SGSM3: variants seen among roughly 807,000 people sequenced by gnomAD.
SGSM3 encodes small G protein signaling modulator 3.
A neutral mutation model predicts 100.5 loss-of-function variants in SGSM3; 96 were observed. The observed-to-expected ratio is 0.96, with a 90% CI of 0.81 to 1.13. The LOEUF is 1.13. Among genes scored for constraint, SGSM3 ranks in the 50% most tolerant of loss-of-function variants. The pLI, the probability that SGSM3 is intolerant of heterozygous loss-of-function variation, is 0.00. For missense variants in SGSM3, 1,001 were observed against 1,015.8 expected, an observed-to-expected ratio of 0.99 and a Z score of 0.20; for synonymous variants, 483 against 422.8, an observed-to-expected ratio of 1.14 and a Z score of -1.75.
chr22:40,398,159 G>A (rs2050288954), intron 1 of SGSM3, among the ~76,000 whole-genome samples: 1 of 151,834 alleles, frequency 6.6e-6, no homozygotes. Flanking sequence ...GTAGGACAGG[G>A]TTTCACCATG....
chr22:40,371,879 T>C (rs2146706148), intron 1 of SGSM3, among the ~76,000 whole-genome samples: 1 of 151,668 alleles, frequency 6.6e-6, no homozygotes, highest in South Asian at 2.1e-4. Context: ...GTATTTTTAA[T>C]AGAGACGGGG....
At chr22:40,377,801 G>A (rs974895169) in intron 1 of SGSM3, among the ~76,000 whole-genome samples, 7 of 150,622 alleles carry the variant, frequency 4.6e-5, no homozygotes, top group East Asian at 2.0e-4. Context: ...AGCTGTGATC[G>A]TGCCACTGTA....
chr22:40,377,611 G>A (rs543479292), intron 1 of SGSM3, among the ~76,000 whole-genome samples: 7 of 152,258 alleles, frequency 4.6e-5, no homozygotes, highest in Non-Finnish European at 7.4e-5. Flanking sequence ...CAAGGCAGGC[G>A]GATCCATTGG....
Position 40,407,135 on chromosome 22 carries a change from A to G in SGSM3, c.1240+64A>G. 6.2e-7 allele frequency: 1 copy of G among 1,611,764 alleles called. No homozygotes were observed. Among genetic ancestry groups the G allele is most frequent in the Non-Finnish European group, 8.5e-7 (1 of 1,178,876 alleles). ...GGAGTCTGTCCTCACGCTCATGTGG[A>G]CGTGGAGCTTCCTCCTCGGGGGCCT... On this transcript the variant is annotated intron_variant, in intron 11 of 21. Transcript: ENST00000248929. The surrounding 1 kb of genome is among the most constrained non-coding windows in gnomAD (Gnocchi z 4.7).
At chr22:40,374,912 A>C (rs1185819070) in intron 1 of SGSM3, among the ~76,000 whole-genome samples, 1 of 152,246 alleles carries the variant, frequency 6.6e-6, no homozygotes, top group Non-Finnish European at 1.5e-5. Flanking sequence ...CAGTACTATC[A>C]GTAGTAGCAT....
intron 1 of SGSM3, among the ~76,000 whole-genome samples, chr22:40,396,320 G>A (rs539743187): frequency 3.9e-5 from 6 of 152,036 alleles, no homozygotes; most frequent in African/African-American, 7.2e-5. Context: ...GGCCGGGTGC[G>A]GTGGCTCACA....
chr22:40,396,592 CAAAAAAAAAAA>C (rs778373023), intron 1 of SGSM3, among the ~76,000 whole-genome samples: 13 of 44,450 alleles, frequency 2.9e-4, no homozygotes, highest in Middle Eastern at 0.011. Context: ...GACTCTGTCT[CAAAAAAAAAAA>C]AAAAAAAAAA....
At chr22:40,403,758 GGCT>G (rs2051064440) in intron 4 of SGSM3, among the ~76,000 whole-genome samples, 1 of 152,174 alleles carries the variant, frequency 6.6e-6, no homozygotes, top group African/African-American at 2.4e-5. Context: ...GGGTCACTGT[GGCT>G]GCTGAGGGGA....
intron 1 of SGSM3, among the ~76,000 whole-genome samples, chr22:40,380,500 G>A (rs1023215853): frequency 1.3e-5 from 2 of 151,686 alleles, no homozygotes; most frequent in Admixed American, 6.6e-5. Context: ...CCGAGTAGTT[G>A]GGATTAGAGG....
At position 40,408,853 on chromosome 22, in the gene SGSM3, C is replaced by G. The variant is rs955938275; in HGVS notation, c.1902+11C>G. 4 of 1,613,918 alleles carry G rather than the reference C, an allele frequency of 2.5e-6. No homozygotes were observed. The highest frequency in any genetic ancestry group is 1.7e-6 in the Non-Finnish European group (2 of 1,180,018). On this transcript the variant is annotated intron_variant, in intron 18 of 21. Coordinates refer to ENST00000248929, the MANE Select transcript of SGSM3 (RefSeq NM_015705.6). ...GAGCTGCTCTACCGGGTAAGGGGGC[C>G]TCCTCTGCCAGACCCTAGAGACCTC...
Position 40,407,367 on chromosome 22 carries a change from C to A in SGSM3, c.1368+39C>A. 6.2e-7 allele frequency: 1 copy of A among 1,612,616 alleles called. No individual in the cohort carries two copies. Among genetic ancestry groups the A allele is most frequent in the Non-Finnish European group, 8.5e-7 (1 of 1,179,330 alleles). ...TCCCTGGGCTGCTACCAAACACGGC[C>A]CTAACTCCTCCAACCCCCTTGGTGG... On this transcript the variant is annotated intron_variant, in intron 12 of 21. Coordinates refer to ENST00000248929, the MANE Select transcript of SGSM3 (RefSeq NM_015705.6). The surrounding 1 kb of genome is among the most constrained non-coding windows in gnomAD (Gnocchi z 4.7).
At chr22:40,382,177 A>G (rs1163049254) in intron 1 of SGSM3, among the ~76,000 whole-genome samples, 1 of 152,184 alleles carries the variant, frequency 6.6e-6, no homozygotes, top group Non-Finnish European at 1.5e-5. Context: ...TGAAAAAGTA[A>G]GAGTTGAGAG....
In SGSM3 at chr22:40,404,667, G is replaced by C. The variant is rs780370840; in HGVS notation, c.474+3G>C. The C allele has an allele frequency of 6.2e-7, 1 of 1,601,912 alleles. No homozygotes were observed. The highest frequency in any genetic ancestry group is 8.5e-7 in the Non-Finnish European group (1 of 1,170,976). ...ATGAGACCATCGCTGCCAAGCAGGT[G>C]AGGCCGGTGGCACTGTGCAGGAAGA... On this transcript the variant is annotated splice_donor_region_variant and intron_variant, in intron 6 of 21. Coordinates refer to ENST00000248929, the MANE Select transcript of SGSM3 (RefSeq NM_015705.6).
In SGSM3 at chr22:40,409,873, A is replaced by T. The variant is rs534365369; in HGVS notation, c.*114A>T. ...CCCTGGCCGGGGCCGCGGGATATCA[A>T]TATCAGGCTGCCCCACTCCACGTTC... On this transcript the variant is annotated 3_prime_UTR_variant, in exon 22 of 22. Coordinates refer to ENST00000248929, the MANE Select transcript of SGSM3 (RefSeq NM_015705.6). The T allele has an allele frequency of 5.5e-6, 8 of 1,456,748 alleles. No individual in the cohort carries two copies. In the African/African-American group the frequency reaches 1.1e-4, roughly 21 times the overall value. 90.2% of individuals were successfully genotyped at this position (1,456,748 alleles called of 1,614,324 possible).
In SGSM3 at chr22:40,405,188, C is replaced by T. The variant is rs1458771610; in HGVS notation, c.522C>T (p.Ala174=). 6 of 1,583,410 alleles carry T rather than the reference C, an allele frequency of 3.8e-6. No individual in the cohort carries two copies. Among genetic ancestry groups the T allele is most frequent in the Middle Eastern group, 1.7e-4 (1 of 5,972 alleles). ...LRTMPSNACF[A]SMGSIGVPRL... ...CCATGCCCAGCAACGCCTGCTTCGC[C>T]AGCATGGGTAGCATCGGGGTGCCCC... The change falls in exon 7 of 22, where the codon GCC becomes GCT. Residue 174 remains alanine (A), a synonymous_variant. Coordinates refer to ENST00000248929, the MANE Select transcript of SGSM3 (RefSeq NM_015705.6).
chr22:40,408,131 T>C lies in SGSM3; in HGVS notation c.1629+11T>C. 1 of 856,292 alleles carries C rather than the reference T, an allele frequency of 1.2e-6. No individual in the cohort carries two copies. Among genetic ancestry groups the C allele is most frequent in the Non-Finnish European group, 1.8e-6 (1 of 552,974 alleles). The allele number at this position is 856,292 out of a possible 1,614,324, so 53.0% of individuals were successfully genotyped here. Reference sequence around the variant, plus strand: ...GAGCGCAGCAAAGAGGTGAGGGGGGTGGGCGGGCTAGGCACGGCTGGCACC... The same window carrying C: ...GAGCGCAGCAAAGAGGTGAGGGGGGCGGGCGGGCTAGGCACGGCTGGCACC... On this transcript the variant is annotated intron_variant, in intron 15 of 21. Coordinates refer to ENST00000248929, the MANE Select transcript of SGSM3 (RefSeq NM_015705.6).
At position 40,404,384 on chromosome 22, in the gene SGSM3, G is replaced by A. The variant is rs755071371; in HGVS notation, c.295G>A (p.Val99Ile). The A allele has an allele frequency of 5.1e-5, 82 of 1,608,390 alleles. No homozygotes were observed. The highest frequency in any genetic ancestry group is 8.0e-5 in the African/African-American group (6 of 74,826). The change falls in exon 5 of 22, where the codon GTC (valine) becomes ATC (isoleucine). Residue 99 changes from valine (V) to isoleucine (I), a missense_variant. Coordinates refer to ENST00000248929, the MANE Select transcript of SGSM3 (RefSeq NM_015705.6). ...GGATCTCACCTGGGACAAGATTGCC[G>A]TCTCCCTACCCCGCTCTGAGAAGCT... ...VGDLTWDKIA[V>I]SLPRSEKLRS... is the part of the protein sequence containing the mutation.
chr22:40,406,374 C>T, intron 9 of SGSM3, 64 bp from the exon 10 acceptor site: 1 of 1,493,686 alleles, frequency 6.7e-7, no homozygotes, highest in African/African-American at 1.4e-5. Flanking sequence ...GGGTTGGGGT[C>T]AGCTCAGTGC....
At chr22:40,408,021 C>T in intron 14 of SGSM3, 50 bp from the exon 15 acceptor site, 3 of 1,590,090 alleles carry the variant, frequency 1.9e-6, no homozygotes, top group African/African-American at 1.3e-5. Flanking sequence ...TGTGTCTGCT[C>T]TGTCCTCGGC....
Sources: gnomAD v4.1 joint callset for allele counts (sites outside exome capture counted in the v4.1 genomes callset) on GRCh38, gnomAD v4.1.1 for gene constraint, Gnocchi (gnomAD v3.1) non-coding constraint, MANE v1.5 for transcripts, NCBI Gene and HGNC (gene_info 2026-07-23, HGNC 2026-07-21) for gene names.